ANO3: variants seen among roughly 807,000 people sequenced by gnomAD.
The protein encoded by ANO3 is anoctamin-3.
ANO3 carries 99 observed loss-of-function variants against 144.8 expected under a neutral mutation model. The ratio of observed to expected loss-of-function variants is 0.68; its 90% CI spans 0.58 to 0.81. The LOEUF is 0.81. ANO3 is among the 30% of genes least tolerant of loss of function. The pLI is 0.00. For missense variants in ANO3, 905 were observed against 1,202.2 expected, an observed-to-expected ratio of 0.75 and a Z score of 3.66; for synonymous variants, 414 against 392.6, an observed-to-expected ratio of 1.05 and a Z score of -0.64.
intron 14 of ANO3, among the ~76,000 whole-genome samples, chr11:26,591,454 C>T (rs574726156): frequency 7.9e-5 from 12 of 152,150 alleles, no homozygotes; most frequent in Admixed American, 6.5e-4. Flanking sequence ...TTTACAACTT[C>T]GATTCTGGAA....
At chr11:26,507,999 A>G (rs540084533) in intron 4 of ANO3, 105 bp from the exon 5 acceptor site, 6 of 980,120 alleles carry the variant, frequency 6.1e-6, no homozygotes, top group Middle Eastern at 2.3e-4. Context: ...TATTAAAAAT[A>G]CATTTTTTGA....
At chr11:26,467,681 C>T (rs1327882982) in intron 4 of ANO3, among the ~76,000 whole-genome samples, 1 of 151,128 alleles carries the variant, frequency 6.6e-6, no homozygotes, top group Admixed American at 6.6e-5. Flanking sequence ...ATCCATTCGC[C>T]TGTTGATGGA....
At chr11:26,238,143 A>C (rs1012298510) in intron 1 of ANO3, among the ~76,000 whole-genome samples, 1 of 152,158 alleles carries the variant, frequency 6.6e-6, no homozygotes, top group African/African-American at 2.4e-5. Flanking sequence ...CATGAATGCA[A>C]CACAGAATTA....
intron 3 of ANO3, among the ~76,000 whole-genome samples, chr11:26,446,183 T>A (rs1858697137): frequency 6.6e-6 from 1 of 152,174 alleles, no homozygotes; most frequent in African/African-American, 2.4e-5. Flanking sequence ...ACTGTTTTAA[T>A]CATCTTTGAA....
At chr11:26,658,798 G>T (rs1301889915) in intron 26 of ANO3, among the ~76,000 whole-genome samples, 1 of 152,050 alleles carries the variant, frequency 6.6e-6, no homozygotes, top group African/African-American at 2.4e-5. Context: ...GGAAAAATAT[G>T]ACCTTCCTTA....
At chr11:26,627,115 TTA>T (rs145115801) in intron 18 of ANO3, among the ~76,000 whole-genome samples, 4 of 150,170 alleles carry the variant, frequency 2.7e-5, no homozygotes, top group Admixed American at 1.3e-4. Flanking sequence ...TTAAATTCTT[TTA>T]TATATATATA....
At chr11:26,261,129 C>T (rs1471843740) in intron 1 of ANO3, among the ~76,000 whole-genome samples, 1 of 152,020 alleles carries the variant, frequency 6.6e-6, no homozygotes, top group Non-Finnish European at 1.5e-5. Context: ...TTCTAAGGGG[C>T]CTGAAATAGC....
At chr11:26,521,703 C>G (rs558617907) in intron 6 of ANO3, among the ~76,000 whole-genome samples, 1 of 152,070 alleles carries the variant, frequency 6.6e-6, no homozygotes. Context: ...ATTTTTCTTG[C>G]GATCCAAAGC....
At chr11:26,293,059 T>A (rs1209080843) in intron 1 of ANO3, among the ~76,000 whole-genome samples, 5 of 152,208 alleles carry the variant, frequency 3.3e-5, no homozygotes, top group Non-Finnish European at 7.3e-5. Flanking sequence ...CCACCCCATA[T>A]CTTTAAATTA....
intron 1 of ANO3, among the ~76,000 whole-genome samples, chr11:26,240,116 T>C (rs771263425): frequency 6.6e-6 from 1 of 152,172 alleles, no homozygotes; most frequent in Non-Finnish European, 1.5e-5. Context: ...ATCTACAAAA[T>C]CAAAATAATA....
intron 1 of ANO3, among the ~76,000 whole-genome samples, chr11:26,429,273 A>C (rs547509462): frequency 6.6e-6 from 1 of 152,150 alleles, no homozygotes; most frequent in Non-Finnish European, 1.5e-5. Context: ...CAGCAAACAC[A>C]CTGGAACCAG....
intron 4 of ANO3, among the ~76,000 whole-genome samples, chr11:26,497,212 A>G (rs1226035677): frequency 6.6e-6 from 1 of 151,932 alleles, no homozygotes; most frequent in Non-Finnish European, 1.5e-5. Context: ...GTATATATAC[A>G]GACACTCACA....
Position 26,641,887 on chromosome 11 carries a change from G to C in ANO3, c.2142-9G>C, listed in dbSNP as rs1190327237. 1 of 1,613,708 alleles carries C rather than the reference G, an allele frequency of 6.2e-7. No individual in the cohort carries two copies. Among genetic ancestry groups the C allele is most frequent in the Admixed American group, 1.7e-5 (1 of 60,000 alleles). On this transcript the variant is annotated splice_polypyrimidine_tract_variant and intron_variant, in intron 21 of 26. Coordinates refer to ENST00000256737, the MANE Select transcript of ANO3 (RefSeq NM_031418.4). ...AGCTCAAAAGTCCTTGGTCTGCTCT[G>C]TGATGTAGGTTGATCCAGAACTGGT...
At chr11:26,325,915 C>T (rs1383401954) in intron 1 of ANO3, among the ~76,000 whole-genome samples, 2 of 152,052 alleles carry the variant, frequency 1.3e-5, no homozygotes, top group Admixed American at 6.6e-5. Flanking sequence ...GGTTAGAGAC[C>T]TAGATCCAAG....
chr11:26,256,772 A>C (rs1409442076), intron 1 of ANO3, among the ~76,000 whole-genome samples: 3 of 152,122 alleles, frequency 2.0e-5, no homozygotes, highest in African/African-American at 7.2e-5. Flanking sequence ...CTACTTTTAC[A>C]GGGTAAATTT....
chr11:26,573,770 A>G (rs566542328), intron 14 of ANO3, among the ~76,000 whole-genome samples: 2 of 152,086 alleles, frequency 1.3e-5, no homozygotes, highest in Non-Finnish European at 2.9e-5. Context: ...ATCATAATCA[A>G]TTGATTAGAC....
chr11:26,191,320 A>G (rs1264726529), intron 1 of ANO3, among the ~76,000 whole-genome samples: 13 of 150,300 alleles, frequency 8.6e-5, no homozygotes, highest in Non-Finnish European at 1.9e-4. Context: ...ACACACACAT[A>G]TATATATACA....
At chr11:26,592,640 G>C (rs2132899322) in intron 14 of ANO3, among the ~76,000 whole-genome samples, 1 of 149,618 alleles carries the variant, frequency 6.7e-6, no homozygotes, top group African/African-American at 2.5e-5. Flanking sequence ...TCCTGAAGGA[G>C]CTTGGTGATA....
chr11:26,402,419 T>C (rs1841129636), intron 1 of ANO3, among the ~76,000 whole-genome samples: 1 of 152,054 alleles, frequency 6.6e-6, no homozygotes. Flanking sequence ...ATATATATGA[T>C]TGTTAACCCC....
Sources: gnomAD v4.1 joint callset for allele counts (sites outside exome capture counted in the v4.1 genomes callset) on GRCh38, gnomAD v4.1.1 for gene constraint, MANE v1.5 for transcripts, NCBI Gene and HGNC (gene_info 2026-07-23, HGNC 2026-07-21) for gene names.